Variants in SDK2 observed in about 807,000 individuals in gnomAD.
SDK2 encodes the protein sidekick cell adhesion molecule 2.
SDK2 carries 105 observed loss-of-function variants against 253.9 expected under a neutral mutation model. The ratio of observed to expected loss-of-function variants is 0.41; its 90% CI spans 0.35 to 0.49. SDK2 has a LOEUF of 0.49. SDK2 is among the 20% of genes least tolerant of loss of function. The pLI is 0.06. For missense variants in SDK2, 2,608 were observed against 3,003.0 expected (o/e 0.87, Z 3.07); for synonymous variants, 1,249 against 1,234.9 (o/e 1.01, Z -0.24).
chr17:73,549,758 AGAGAC>A (rs1463442689), intron 1 of SDK2, among the ~76,000 whole-genome samples: 11 of 152,190 alleles, frequency 7.2e-5, no homozygotes. Flanking sequence ...GATGGGGGGC[AGAGAC>A]AAGGAGAGGG....
intron 36 of SDK2, among the ~76,000 whole-genome samples, chr17:73,375,999 T>G (rs952381640): frequency 1.7e-4 from 25 of 143,702 alleles, no homozygotes; most frequent in African/African-American, 5.9e-4. Context: ...ATTGAGACCA[T>G]CCTGGCCAAC....
intron 20 of SDK2, 51 bp downstream of exon 20, chr17:73,401,603 C>G: frequency 6.7e-7 from 1 of 1,490,356 alleles, no homozygotes; most frequent in Non-Finnish European, 9.2e-7. Context: ...CCAGCTCTGA[C>G]CTTTCCCAGC....
Position 73,398,160 on chromosome 17 carries a change from C to T in SDK2, c.3229G>A (p.Val1077Met), listed in dbSNP as rs959570258. ...YSFRMRQVNI[V>M]GTSPPSQPSR... ...GGCTGACTGGGGGGGCTGGTGCCCA[C>T]GATGTTCACCTGGCGCATGCGGAAG... Residue 1077 changes from valine to methionine, a missense_variant, in exon 24 of 45, where the codon GTG becomes ATG. By Grantham distance (21) the Val-to-Met change is conservative. Transcript: ENST00000392650. The T allele has an allele frequency of 1.5e-5, 24 of 1,613,104 alleles. No homozygotes were observed. The highest frequency in any genetic ancestry group is 4.4e-5 in the South Asian group (4 of 90,986).
intron 40 of SDK2, among the ~76,000 whole-genome samples, chr17:73,356,959 G>A (rs1290970127): frequency 6.6e-6 from 1 of 152,244 alleles, no homozygotes; most frequent in Non-Finnish European, 1.5e-5. Flanking sequence ...GCCAACTTGG[G>A]TGGAATAAAC....
In SDK2 at chr17:73,361,057, TG is replaced by T. The variant is rs1344763015; in HGVS notation, c.5467+626del. 2.0e-5 allele frequency among the ~76,000 whole-genome samples: 1 copy of T among 50,092 alleles called. No homozygotes were observed. The highest frequency in any genetic ancestry group is 3.9e-5 in the Non-Finnish European group (1 of 25,358). 32.9% of individuals were successfully genotyped at this position (50,092 alleles called of 152,430 possible). The stretch of plus-strand genomic sequence containing the variant: ...AAGGGCGTTCTGCGGAGGGGGTGGG[TG>T]GTGAGGTGGGGGAGGCAGGGCCCTG... On this transcript the variant is annotated intron_variant, in intron 39 of 44. Transcript: ENST00000392650. This position sits in a 1 kb window ranked among gnomAD's most constrained non-coding sequence, Gnocchi z 4.1.
At chr17:73,607,744 C>T (rs901331047) in intron 1 of SDK2, among the ~76,000 whole-genome samples, 9 of 151,990 alleles carry the variant, frequency 5.9e-5, no homozygotes, top group Admixed American at 1.3e-4. Flanking sequence ...AACAGAGAGT[C>T]GGATCTCGGG....
In SDK2 at chr17:73,423,978, C is replaced by T. The variant is rs769361190; in HGVS notation, c.1698G>A (p.Thr566=). 27 of 1,608,166 alleles carry T rather than the reference C, an allele frequency of 1.7e-5. No homozygotes were observed. Among genetic ancestry groups the T allele is most frequent in the South Asian group, 7.8e-5 (7 of 89,838 alleles). The part of the protein sequence containing the change: ...ISQTWSGDIG[T]YTCRVISAGG... Reference sequence around the variant, plus strand: ...CTGCTGAGATCACCCGGCAGGTGTACGTGCCGATGTCTCCCGACCACGTCT... The same window carrying T: ...CTGCTGAGATCACCCGGCAGGTGTATGTGCCGATGTCTCCCGACCACGTCT... Residue 566 remains threonine (T), a synonymous_variant, in exon 13 of 45, where the codon ACG becomes ACA. Coordinates refer to ENST00000392650, the MANE Select transcript of SDK2 (RefSeq NM_001144952.2).
intron 1 of SDK2, chr17:73,513,620 T>C (rs2063999092): frequency 6.6e-6 from 1 of 152,208 alleles, no homozygotes; most frequent in South Asian, 2.1e-4. Flanking sequence ...ACAGACTCAC[T>C]TGTGCATGTG....
rs533357307 is a variant in SDK2 at position 73,438,706 on chromosome 17, C to T, written c.726-552G>A. Among the ~76,000 whole-genome samples, 92 of 152,230 alleles carry T rather than the reference C, an allele frequency of 6.0e-4. 1 individual carries two copies. Among genetic ancestry groups the T allele is most frequent in the African/African-American group, 2.2e-3 (90 of 41,534 alleles). On this transcript the variant is annotated intron_variant, in intron 6 of 44. Coordinates refer to ENST00000392650, the MANE Select transcript of SDK2 (RefSeq NM_001144952.2). ...GAGAAGAGCAAGGGTGTGAGTCTGG[C>T]CTGGCTTTCCACCATCACCAACCCC...
At chr17:73,602,805 C>A (rs188212813) in intron 1 of SDK2, among the ~76,000 whole-genome samples, 436 of 152,184 alleles carry the variant, frequency 2.9e-3, no homozygotes, top group African/African-American at 9.7e-3. Flanking sequence ...CGGCTCACTG[C>A]AAGCTCCACC....
rs1043559570 is a variant in SDK2 at position 73,370,305 on chromosome 17, C to T, written c.4981-1712G>A. 1.2e-4 allele frequency among the ~76,000 whole-genome samples: 19 copies of T among 152,040 alleles called. 1 individual carries two copies. Among genetic ancestry groups the T allele is most frequent in the Admixed American group, 6.5e-5 (1 of 15,272 alleles). The stretch of plus-strand genomic sequence containing the variant: ...TTGCCCAGGCTGGAGTGCAGTGGCA[C>T]GATCACAGCTCACTGCAGCCTCAAC... On this transcript the variant is annotated intron_variant, in intron 36 of 44. Transcript: ENST00000392650.
At position 73,435,487 on chromosome 17, in the gene SDK2, G is replaced by A. The variant is rs893509380; in HGVS notation, c.1158C>T (p.Ala386=). 42 of 1,600,140 alleles carry A rather than the reference G, an allele frequency of 2.6e-5. No homozygotes were observed. Among genetic ancestry groups the A allele is most frequent in the Non-Finnish European group, 3.0e-5 (35 of 1,173,466 alleles). Residue 386 remains alanine (A), a synonymous_variant, in exon 9 of 45, where the codon GCC becomes GCT. Transcript: ENST00000392650. The surrounding 1 kb of genome is among the most constrained non-coding windows in gnomAD (Gnocchi z 5.7). ...GMFQCFARNA[A]GEVQTSTYLA... ...GGTAGGTGGAAGTTTGCACCTCGCCGGCTGCATTGCGGGCGAAGCACTGGA... is the reference window on the plus strand; with the variant it reads ...GGTAGGTGGAAGTTTGCACCTCGCCAGCTGCATTGCGGGCGAAGCACTGGA...
In SDK2 at chr17:73,365,251, C is replaced by T; in HGVS notation, c.5305+7G>A. The T allele has an allele frequency of 1.3e-6, 2 of 1,594,110 alleles. No homozygotes were observed. Among genetic ancestry groups the T allele is most frequent in the Non-Finnish European group, 1.7e-6 (2 of 1,171,184 alleles). ...GGCTGGGGAGCTGTGCTGGGGGGTC[C>T]ACTCACCATCCACGGGGCTGCAGGG... On this transcript the variant is annotated splice_region_variant and intron_variant, in intron 38 of 44. Coordinates refer to ENST00000392650, the MANE Select transcript of SDK2 (RefSeq NM_001144952.2).
chr17:73,343,445 G>A (rs974628793), intron 44 of SDK2, among the ~76,000 whole-genome samples: 2 of 152,274 alleles, frequency 1.3e-5, no homozygotes, highest in African/African-American at 4.8e-5. Flanking sequence ...AAGCGAGGGG[G>A]AGACCAGGGG....
chr17:73,532,408 G>T (rs1303298951), intron 1 of SDK2, among the ~76,000 whole-genome samples: 1 of 152,200 alleles, frequency 6.6e-6, no homozygotes, highest in Non-Finnish European at 1.5e-5. Flanking sequence ...AGTGAAATTG[G>T]ATCACTTCTT....
chr17:73,561,882 T>C (rs540143939), intron 1 of SDK2, among the ~76,000 whole-genome samples: 2 of 152,234 alleles, frequency 1.3e-5, no homozygotes, highest in East Asian at 3.9e-4. Context: ...TCCCAGCACT[T>C]TGGGGGGCTG....
At chr17:73,462,730 G>C (rs933083572) in intron 3 of SDK2, among the ~76,000 whole-genome samples, 28 of 152,126 alleles carry the variant, frequency 1.8e-4, no homozygotes, top group Admixed American at 1.8e-3. Flanking sequence ...GATGGAAGCA[G>C]GTAGGGCACA....
intron 1 of SDK2, among the ~76,000 whole-genome samples, chr17:73,508,785 C>T (rs1468331469): frequency 2.0e-5 from 3 of 152,324 alleles, no homozygotes; most frequent in South Asian, 4.1e-4. Context: ...TGAGCCCACA[C>T]CTCCCTCCGT....
chr17:73,561,026 C>T (rs1264628880), intron 1 of SDK2, among the ~76,000 whole-genome samples: 1 of 152,200 alleles, frequency 6.6e-6, no homozygotes, highest in Non-Finnish European at 1.5e-5. Context: ...CCCCTCCTCA[C>T]CCCACTACCC....
Sources: allele counts gnomAD v4.1 joint callset (sites outside exome capture counted in the v4.1 genomes callset), GRCh38; gene constraint gnomAD v4.1.1; non-coding constraint Gnocchi (gnomAD v3.1); transcripts MANE v1.5; gene names NCBI Gene and HGNC (gene_info 2026-07-23, HGNC 2026-07-21).